The following TBX21 variants were observed in gnomAD, a reference collection of about 807,000 sequenced individuals.
TBX21 encodes T-box transcription factor 21, also known as T-box transcription factor TBX21.
In TBX21, 11 loss-of-function variants were observed where a neutral mutation model predicts 52.2. That is an observed-to-expected ratio of 0.21 (90% confidence interval 0.13 to 0.35). The LOEUF is 0.35. Among genes scored for constraint, TBX21 ranks in the 10% least tolerant of loss-of-function variants. The pLI, the probability that TBX21 is intolerant of heterozygous loss-of-function variation, is 1.00. For missense variants in TBX21, 625 were observed against 755.1 expected, an observed-to-expected ratio of 0.83 and a Z score of 2.02; for synonymous variants, 300 against 316.1, an observed-to-expected ratio of 0.95 and a Z score of 0.54.
At position 47,733,799 on chromosome 17, in the gene TBX21, C is replaced by G. The variant is rs747464873; in HGVS notation, c.345C>G (p.Ala115=). The change falls in exon 1 of 6, where the codon GCC becomes GCG. Residue 115 remains alanine, a synonymous_variant. Coordinates refer to ENST00000177694, the MANE Select transcript of TBX21 (RefSeq NM_013351.2). This position sits in a 1 kb window ranked among gnomAD's most constrained non-coding sequence, Gnocchi z 6.6. ...GCTACGCCGCCCCGGACCCGCGCGCCGGGCTCTACCCGGGGCCGCGTGAGG... is the reference window on the plus strand; with the variant it reads ...GCTACGCCGCCCCGGACCCGCGCGCGGGGCTCTACCCGGGGCCGCGTGAGG... ...GEGYAAPDPR[A]GLYPGPREDY... is the part of the protein sequence containing the mutation. The G allele has an allele frequency of 1.4e-4, 223 of 1,574,270 alleles. No individual in the cohort carries two copies. The highest frequency in any genetic ancestry group is 1.8e-4 in the Non-Finnish European group (208 of 1,162,074).
At chr17:47,743,244 T>G (rs1256879600) in intron 3 of TBX21, 52 bp downstream of exon 3, 1 of 1,604,254 alleles carries the variant, frequency 6.2e-7, no homozygotes, top group Admixed American at 1.7e-5. Context: ...ACCCTGGGTC[T>G]GAGACCTCCA....
chr17:47,743,302 T>C, intron 3 of TBX21, 110 bp downstream of exon 3: 8 of 1,439,502 alleles, frequency 5.6e-6, no homozygotes, highest in African/African-American at 1.4e-5. Flanking sequence ...TTTTCTTCCT[T>C]CCTACAGGAA....
At position 47,742,741 on chromosome 17, in the gene TBX21, GA is replaced by G; in HGVS notation, c.626del (p.Lys209ArgfsTer34). The G allele has an allele frequency of 6.3e-7, 1 of 1,578,686 alleles. No homozygotes were observed. The highest frequency in any genetic ancestry group is 1.9e-5 in the Admixed American group (1 of 53,548). On this transcript the variant is annotated frameshift_variant, in exon 2 of 6. Transcript: ENST00000177694. LOFTEE classifies it high-confidence loss of function. This position sits in a 1 kb window ranked among gnomAD's most constrained non-coding sequence, Gnocchi z 4.4. ...CAGAGCGGCAAGTGGGTGCAGTGTG[GA>G]AAGGCCGAGGGCAGCATGCCAGGTG... The part of the protein sequence containing the change: ...RYQSGKWVQC[G>X]KAEGSMPGNR...
rs1355022986 is a variant in TBX21, at chr17:47,733,511, G to A, written c.57G>A (p.Pro19=). Residue 19 remains proline, a synonymous_variant, in exon 1 of 6, where the codon CCG becomes CCA. Transcript: ENST00000177694. This position sits in a 1 kb window ranked among gnomAD's most constrained non-coding sequence, Gnocchi z 6.6. ...TGCTGACGGGCACCGAGCCGATGCC[G>A]GGGAGCGACGAGGGCCGGGCGCCTG... The part of the protein sequence containing the change: ...GDMLTGTEPM[P]GSDEGRAPGA... The A allele has an allele frequency of 1.3e-6, 2 of 1,494,210 alleles. No individual in the cohort carries two copies. The highest frequency in any genetic ancestry group is 1.5e-5 in the African/African-American group (1 of 68,532). 92.6% of individuals were successfully genotyped at this position (1,494,210 alleles called of 1,614,324 possible).
Position 47,745,689 on chromosome 17 carries a change from T to C in TBX21, c.*323T>C. On this transcript the variant is annotated 3_prime_UTR_variant, in exon 6 of 6. Transcript: ENST00000177694. ...CTTGGGCATGAAGGAGCTTTTTGCA[T>C]CTAGTGGGTGGGAGGGGTCAGGTGT... is the stretch of plus-strand genomic sequence containing the variant. 3.6e-6 allele frequency: 1 copy of C among 275,730 alleles called. No individual in the cohort carries two copies. Among genetic ancestry groups the C allele is most frequent in the Non-Finnish European group, 6.8e-6 (1 of 146,608 alleles). 17.1% of individuals were successfully genotyped at this position (275,730 alleles called of 1,614,324 possible).
intron 1 of TBX21, among the ~76,000 whole-genome samples, chr17:47,738,202 C>T (rs1037216664): frequency 3.2e-4 from 48 of 152,030 alleles, no homozygotes; most frequent in Admixed American, 1.2e-3. Flanking sequence ...CTGTCACCCA[C>T]GCTGGAGTGC....
At chr17:47,737,431 C>A (rs2143425358) in intron 1 of TBX21, among the ~76,000 whole-genome samples, 2 of 152,206 alleles carry the variant, frequency 1.3e-5, no homozygotes, top group South Asian at 4.2e-4. Context: ...TGGATTTGTG[C>A]ATGTGAAGAC....
At chr17:47,734,931 G>T (rs775157651) in intron 1 of TBX21, among the ~76,000 whole-genome samples, 1 of 152,024 alleles carries the variant, frequency 6.6e-6, no homozygotes, top group Non-Finnish European at 1.5e-5. Flanking sequence ...AGCCTCCTGC[G>T]CAAGGAAAGA....
In TBX21 at chr17:47,745,412, A is replaced by AGG; in HGVS notation, c.*47_*48dup. On this transcript the variant is annotated 3_prime_UTR_variant, in exon 6 of 6. Transcript: ENST00000177694. ...AACAGAAACAGTGTTATTAGGTTGGAGGACACCGACTAATTTGGGAAACGG... is the reference window on the plus strand; with the variant it reads ...AACAGAAACAGTGTTATTAGGTTGGAGGGGACACCGACTAATTTGGGAAACGG... 6.5e-7 allele frequency: 1 copy of AGG among 1,531,138 alleles called. No individual in the cohort carries two copies. The highest frequency in any genetic ancestry group is 8.8e-7 in the Non-Finnish European group (1 of 1,142,298). 94.8% of individuals were successfully genotyped at this position (1,531,138 alleles called of 1,614,324 possible).
Position 47,734,077 on chromosome 17 carries a change from G to C in TBX21, c.491+132G>C, listed in dbSNP as rs1200331220. The C allele has an allele frequency of 3.4e-6, 5 of 1,452,540 alleles. No homozygotes were observed. In the Admixed American group the frequency reaches 9.9e-5, roughly 29 times the overall value. 90.0% of individuals were successfully genotyped at this position (1,452,540 alleles called of 1,614,324 possible). A position where few individuals can be genotyped will look rare whatever the true frequency, so the allele number is the denominator to read the frequency against. ...GCTTTGGCTTCAGCGTAGGGAGACAGGGGAATGGGGTTGTTAGGAGGACAG... is the reference window on the plus strand; with the variant it reads ...GCTTTGGCTTCAGCGTAGGGAGACACGGGAATGGGGTTGTTAGGAGGACAG... On this transcript the variant is annotated intron_variant, in intron 1 of 5. Coordinates refer to ENST00000177694, the MANE Select transcript of TBX21 (RefSeq NM_013351.2).
At chr17:47,734,815 G>T (rs1291238882) in intron 1 of TBX21, among the ~76,000 whole-genome samples, 2 of 151,942 alleles carry the variant, frequency 1.3e-5, no homozygotes, top group East Asian at 3.9e-4. Flanking sequence ...CACCGGTTCA[G>T]CCTGGAGAAG....
Position 47,742,369 on chromosome 17 carries a change from A to T in TBX21, c.492-241A>T, listed in dbSNP as rs934724300. On this transcript the variant is annotated intron_variant, in intron 1 of 5. Coordinates refer to ENST00000177694, the MANE Select transcript of TBX21 (RefSeq NM_013351.2). This position sits in a 1 kb window ranked among gnomAD's most constrained non-coding sequence, Gnocchi z 4.4. ...AGTGCTGGGATTACAGGCATGAGCC[A>T]CTGTGCCGGGCCTACTTTGACTGTT... 6.6e-6 allele frequency among the ~76,000 whole-genome samples: 1 copy of T among 152,192 alleles called. No homozygotes were observed. Among genetic ancestry groups the T allele is most frequent in the Non-Finnish European group, 1.5e-5 (1 of 68,022 alleles).
chr17:47,734,664 GCAC>G (rs2032188477), intron 1 of TBX21, among the ~76,000 whole-genome samples: 1 of 147,898 alleles, frequency 6.8e-6, no homozygotes, highest in South Asian at 2.2e-4. Context: ...CTTGTAGGGG[GCAC>G]AGATCCCTTC....
At chr17:47,740,992 C>A (rs1391026398) in intron 1 of TBX21, among the ~76,000 whole-genome samples, 1 of 152,196 alleles carries the variant, frequency 6.6e-6, no homozygotes, top group African/African-American at 2.4e-5. Context: ...TCCTTCAGGG[C>A]TTCTCATGAG....
chr17:47,734,017 G>A, intron 1 of TBX21, 72 bp downstream of exon 1: 1 of 1,606,142 alleles, frequency 6.2e-7, no homozygotes, highest in South Asian at 1.1e-5. Context: ...CTGTTTTTCT[G>A]GCTCGACAAT....
chr17:47,736,930 C>T (rs539893338), intron 1 of TBX21, among the ~76,000 whole-genome samples: 49 of 152,256 alleles, frequency 3.2e-4, no homozygotes, highest in African/African-American at 1.1e-3. Flanking sequence ...AGCTGACTCA[C>T]GCCGTCCCGG....
In TBX21 at chr17:47,733,911, C is replaced by T; in HGVS notation, c.457C>T (p.His153Tyr). Residue 153 changes from histidine (H) to tyrosine (Y), a missense_variant, in exon 1 of 6, where the codon CAC (histidine) becomes TAC (tyrosine). Physicochemically the swap from His to Tyr is moderately conservative, Grantham distance 83. This residue lies in a region of TBX21 where 142 missense variants were observed against 258.5 expected (regional missense o/e 0.55). Coordinates refer to ENST00000177694, the MANE Select transcript of TBX21 (RefSeq NM_013351.2). This position sits in a 1 kb window ranked among gnomAD's most constrained non-coding sequence, Gnocchi z 6.6. ...CCTGTTGTGGTCCAAGTTTAATCAGCACCAGACAGAGATGATCATCACCAA... is the reference window on the plus strand; with the variant it reads ...CCTGTTGTGGTCCAAGTTTAATCAGTACCAGACAGAGATGATCATCACCAA... ...NHLLWSKFNQHQTEMIITKQG... is the reference protein window; with the variant it reads ...NHLLWSKFNQYQTEMIITKQG... 1 of 1,613,678 alleles carries T rather than the reference C, an allele frequency of 6.2e-7. No individual in the cohort carries two copies. Among genetic ancestry groups the T allele is most frequent in the Non-Finnish European group, 8.5e-7 (1 of 1,179,844 alleles).
chr17:47,735,287 A>C (rs939779202), intron 1 of TBX21, among the ~76,000 whole-genome samples: 1 of 152,134 alleles, frequency 6.6e-6, no homozygotes, highest in Non-Finnish European at 1.5e-5. Flanking sequence ...GCCAGCCACA[A>C]CTGGCTTCAA....
Position 47,744,808 on chromosome 17 carries a change from T to C in TBX21, c.1050T>C (p.Leu350=), listed in dbSNP as rs1316296046. 6.2e-7 allele frequency: 1 copy of C among 1,614,150 alleles called. No individual in the cohort carries two copies. The highest frequency in any genetic ancestry group is 8.5e-7 in the Non-Finnish European group (1 of 1,180,010). Residue 350 remains leucine, a synonymous_variant, in exon 6 of 6, where the codon CTT becomes CTC. Coordinates refer to ENST00000177694, the MANE Select transcript of TBX21 (RefSeq NM_013351.2). Reference sequence around the variant, plus strand: ...CGCCTGGACCCAACTGTCAATTCCTTGGGGGAGATCACTACTCTCCTCTCC... The same window carrying C: ...CGCCTGGACCCAACTGTCAATTCCTCGGGGGAGATCACTACTCTCCTCTCC... ...PSPPGPNCQF[L]GGDHYSPLLP...
Sources: allele counts gnomAD v4.1 joint callset (sites outside exome capture counted in the v4.1 genomes callset), GRCh38; gene constraint gnomAD v4.1.1; regional missense constraint gnomAD v4.1.1; non-coding constraint Gnocchi (gnomAD v3.1); transcripts MANE v1.5; gene names NCBI Gene and HGNC (gene_info 2026-07-23, HGNC 2026-07-21).